The following GFOD1 variants were observed in gnomAD, a reference collection of about 807,000 sequenced individuals.
GFOD1 encodes the protein Gfo/Idh/MocA-like oxidoreductase domain containing 1.
Under a neutral mutation model 25.4 loss-of-function variants are expected in GFOD1, and 9 were observed. The observed-to-expected ratio is 0.35, with a 90% CI of 0.21 to 0.62. The LOEUF (loss-of-function observed/expected upper bound fraction) is 0.62. GFOD1 is among the 20% of genes least tolerant of loss of function. The probability of loss-of-function intolerance (pLI) is 0.72; values close to 1 mark genes in which losing one functional copy is unlikely to be tolerated. For missense variants in GFOD1, 403 were observed against 556.9 expected (o/e 0.72, Z 2.78); for synonymous variants, 253 against 245.6 (o/e 1.03, Z -0.28).
intron 1 of GFOD1, chr6:13,486,192 G>A (rs2127580740): frequency 1.0e-6 from 1 of 993,428 alleles, no homozygotes; most frequent in African/African-American, 1.8e-5. Context: ...GCGTTTCTGG[G>A]CGCGCACTCG....
At chr6:13,471,410 C>A (rs1303268381) in intron 1 of GFOD1, among the ~76,000 whole-genome samples, 2 of 152,156 alleles carry the variant, frequency 1.3e-5, no homozygotes, top group East Asian at 3.8e-4. Flanking sequence ...CCTGGCATCA[C>A]CCCACCCAGG....
chr6:13,402,689 A>G (rs986492476), intron 1 of GFOD1, among the ~76,000 whole-genome samples: 1 of 152,250 alleles, frequency 6.6e-6, no homozygotes, highest in South Asian at 2.1e-4. Context: ...AAGTGTTGGC[A>G]TGGTTGTAGA....
chr6:13,409,145 GAAA>G (rs1183431668), intron 1 of GFOD1, among the ~76,000 whole-genome samples: 3 of 32,344 alleles, frequency 9.3e-5, no homozygotes, highest in African/African-American at 1.8e-4. Context: ...AAGAAAGAAA[GAAA>G]GAGAGGAAAG....
chr6:13,405,920 C>T (rs1181996900), intron 1 of GFOD1, among the ~76,000 whole-genome samples: 2 of 152,172 alleles, frequency 1.3e-5, no homozygotes, highest in African/African-American at 4.8e-5. Context: ...AGCCTCAACT[C>T]ATCAGTGGCT....
intron 1 of GFOD1, among the ~76,000 whole-genome samples, chr6:13,436,102 G>C (rs1218171895): frequency 6.6e-6 from 1 of 152,222 alleles, no homozygotes; most frequent in African/African-American, 2.4e-5. Flanking sequence ...TGGGTGACCA[G>C]AGGATGGAGA....
At chr6:13,420,780 A>G (rs1213851669) in intron 1 of GFOD1, among the ~76,000 whole-genome samples, 1 of 152,260 alleles carries the variant, frequency 6.6e-6, no homozygotes, top group African/African-American at 2.4e-5. Flanking sequence ...TTGAGAGGAC[A>G]TACGCCTAGG....
rs1758439149 is a variant in GFOD1 at position 13,469,459 on chromosome 6, C to T, written c.253+17179G>A. ...GATGATGCAAGTTCCAGTTCAGTCA[C>T]CATTTCCCCGTTTCTATACTTTGTC... On this transcript the variant is annotated intron_variant, in intron 1 of 1. Transcript: ENST00000379287. 6.1e-6 allele frequency: 6 copies of T among 988,842 alleles called. No homozygotes were observed. In the South Asian group the frequency reaches 2.3e-4, roughly 38 times the overall value. The allele number at this position is 988,842 out of a possible 1,614,324, so 61.3% of individuals were successfully genotyped here.
chr6:13,402,172 C>T (rs1313403026), intron 1 of GFOD1, among the ~76,000 whole-genome samples: 1 of 152,208 alleles, frequency 6.6e-6, no homozygotes, highest in East Asian at 1.9e-4. Context: ...TCTCATGTCA[C>T]ATGCAAAAAT....
intron 1 of GFOD1, among the ~76,000 whole-genome samples, chr6:13,406,428 A>G (rs2119483): frequency 0.72 from 110,102 of 152,112 alleles, 40,475 homozygotes; most frequent in South Asian, 0.85. Flanking sequence ...CGCTCTACAA[A>G]TACAAGGTAA....
chr6:13,406,872 C>T (rs1242855941), intron 1 of GFOD1, among the ~76,000 whole-genome samples: 1 of 152,182 alleles, frequency 6.6e-6, no homozygotes, highest in African/African-American at 2.4e-5. Context: ...AGACCTCTGG[C>T]TGTCCTTCCT....
rs1785010423 is a variant in GFOD1, at chr6:13,364,918, A to G, written c.998T>C (p.Met333Thr). Residue 333 changes from methionine to threonine, a missense_variant, in exon 2 of 2, where the codon ATG becomes ACG. Met to Thr is a moderately conservative substitution (Grantham distance 81). Transcript: ENST00000379287. This position sits in a 1 kb window ranked among gnomAD's most constrained non-coding sequence, Gnocchi z 4.1. ...CAGGCAGTCGTCGAAGGTGGCGGCCATGGTGAGGGGCCGCCCATCCCACGT... is the reference window on the plus strand; with the variant it reads ...CAGGCAGTCGTCGAAGGTGGCGGCCGTGGTGAGGGGCCGCCCATCCCACGT... ...RRTWDGRPLTMAATFDDCLYA... is the reference protein window; with the variant it reads ...RRTWDGRPLTTAATFDDCLYA... 6.2e-7 allele frequency: 1 copy of G among 1,612,936 alleles called. No homozygotes were observed. Among genetic ancestry groups the G allele is most frequent in the Non-Finnish European group, 8.5e-7 (1 of 1,180,012 alleles).
chr6:13,420,186 C>G (rs1786232075), intron 1 of GFOD1, among the ~76,000 whole-genome samples: 1 of 152,210 alleles, frequency 6.6e-6, no homozygotes, highest in African/African-American at 2.4e-5. Flanking sequence ...GTGGAAAACC[C>G]AAAGCCAGTG....
intron 1 of GFOD1, among the ~76,000 whole-genome samples, chr6:13,448,768 C>T (rs535204778): frequency 3.3e-5 from 5 of 152,286 alleles, no homozygotes; most frequent in Admixed American, 1.3e-4. Flanking sequence ...CCAAAACAGC[C>T]TCTGAGGGTC....
chr6:13,423,785 A>T (rs912517212), intron 1 of GFOD1, among the ~76,000 whole-genome samples: 1 of 152,202 alleles, frequency 6.6e-6, no homozygotes, highest in Non-Finnish European at 1.5e-5. Flanking sequence ...TTCCTTAGAC[A>T]TCCTTTTTGA....
intron 1 of GFOD1, among the ~76,000 whole-genome samples, chr6:13,461,384 C>G (rs999590135): frequency 2.6e-5 from 4 of 152,220 alleles, no homozygotes; most frequent in Non-Finnish European, 5.9e-5. Flanking sequence ...ACAGGCCCAG[C>G]CCCACACAGA....
At chr6:13,479,369 G>GA (rs1193217174) in intron 1 of GFOD1, among the ~76,000 whole-genome samples, 13 of 152,146 alleles carry the variant, frequency 8.5e-5, no homozygotes, top group African/African-American at 2.9e-4. Context: ...TTATTGGTAA[G>GA]AAAACTGAGG....
intron 1 of GFOD1, among the ~76,000 whole-genome samples, chr6:13,480,995 G>A (rs1284421323): frequency 6.6e-6 from 1 of 152,164 alleles, no homozygotes; most frequent in Non-Finnish European, 1.5e-5. Context: ...GTGTCTACTA[G>A]GTGACTAAGT....
intron 1 of GFOD1, among the ~76,000 whole-genome samples, chr6:13,466,815 A>G (rs143034384): frequency 1.1e-3 from 170 of 152,310 alleles, no homozygotes; most frequent in Non-Finnish European, 2.0e-3. Flanking sequence ...CTAGCTTGAC[A>G]GTTGGTATTA....
At chr6:13,382,485 C>T (rs948845559) in intron 1 of GFOD1, among the ~76,000 whole-genome samples, 2 of 152,188 alleles carry the variant, frequency 1.3e-5, no homozygotes, top group East Asian at 1.9e-4. Flanking sequence ...GCTTCTCCTT[C>T]ACCTTCCACC....
Sources: gnomAD v4.1 joint callset for allele counts (sites outside exome capture counted in the v4.1 genomes callset) on GRCh38, gnomAD v4.1.1 for gene constraint, Gnocchi (gnomAD v3.1) non-coding constraint, MANE v1.5 for transcripts, NCBI Gene and HGNC (gene_info 2026-07-23, HGNC 2026-07-21) for gene names.